RBFOX1: variants seen among roughly 807,000 people sequenced by gnomAD.
The protein encoded by RBFOX1 is RNA binding protein fox-1 homolog 1.
In RBFOX1, 8 loss-of-function variants were observed where a neutral mutation model predicts 57.7. That is an observed-to-expected ratio of 0.14 (90% confidence interval 0.08 to 0.25). The LOEUF (loss-of-function observed/expected upper bound fraction) is 0.25, where lower values mean the gene tolerates loss of function less well. Ranked by LOEUF, RBFOX1 falls within the 10% of genes least tolerant of loss-of-function variation. The pLI is 1.00. For missense variants in RBFOX1, 611 were observed against 548.5 expected (o/e 1.11, Z -1.14); for synonymous variants, 326 against 222.4 (o/e 1.47, Z -4.15).
At chr16:6,589,357 T>C (rs1423307074) in intron 2 of RBFOX1, among the ~76,000 whole-genome samples, 1 of 152,160 alleles carries the variant, frequency 6.6e-6, no homozygotes, top group Non-Finnish European at 1.5e-5. Flanking sequence ...TTACTCAAAT[T>C]AGTCTCCCTG....
chr16:5,621,439 C>T (rs1042808069), intron 3 of RBFOX1, among the ~76,000 whole-genome samples: 3 of 152,058 alleles, frequency 2.0e-5, no homozygotes, highest in Non-Finnish European at 2.9e-5. Context: ...TAATTTGTGT[C>T]GTCTTGACAA....
At chr16:6,570,784 A>AT (rs2097334352) in intron 2 of RBFOX1, among the ~76,000 whole-genome samples, 1 of 152,230 alleles carries the variant, frequency 6.6e-6, no homozygotes, top group South Asian at 2.1e-4. Context: ...AATAGCTAAT[A>AT]TTTTTTCCTC....
At chr16:7,022,496 C>G (rs2039604149) in intron 3 of RBFOX1, among the ~76,000 whole-genome samples, 1 of 152,038 alleles carries the variant, frequency 6.6e-6, no homozygotes, top group Non-Finnish European at 1.5e-5. Flanking sequence ...ATTTCTTTTT[C>G]TTTCTTTATA....
chr16:6,374,798 T>C (rs187417190), intron 2 of RBFOX1, among the ~76,000 whole-genome samples: 3 of 152,332 alleles, frequency 2.0e-5, no homozygotes, highest in Non-Finnish European at 4.4e-5. Context: ...ACACCTTCCT[T>C]TGAAGTCAAA....
At chr16:5,520,516 T>G (rs1159988230) in intron 2 of RBFOX1, among the ~76,000 whole-genome samples, 1 of 152,274 alleles carries the variant, frequency 6.6e-6, no homozygotes, top group South Asian at 2.1e-4. Flanking sequence ...TGGGAAAACA[T>G]TTTCACAATT....
intron 4 of RBFOX1, among the ~76,000 whole-genome samples, chr16:7,490,842 C>G (rs1024105685): frequency 1.3e-5 from 2 of 152,168 alleles, no homozygotes; most frequent in African/African-American, 4.8e-5. Flanking sequence ...GAAACAGCAC[C>G]TGCTGTTACT....
At chr16:6,499,723 G>A (rs1417842207) in intron 2 of RBFOX1, among the ~76,000 whole-genome samples, 2 of 151,964 alleles carry the variant, frequency 1.3e-5, no homozygotes, top group African/African-American at 2.4e-5. Flanking sequence ...CTGATTTATT[G>A]TGCAATCTCG....
chr16:7,331,718 T>C (rs2096699162), intron 4 of RBFOX1, among the ~76,000 whole-genome samples: 2 of 152,150 alleles, frequency 1.3e-5, no homozygotes, highest in South Asian at 4.1e-4. Context: ...TGAACAGGGT[T>C]CAGAGAGGCT....
intron 4 of RBFOX1, among the ~76,000 whole-genome samples, chr16:7,399,570 G>C (rs1266199544): frequency 5.9e-5 from 9 of 152,186 alleles, no homozygotes; most frequent in African/African-American, 2.2e-4. Context: ...TTAGCCTCTG[G>C]TGGTGTCTGT....
chr16:7,173,009 G>T (rs746293234), intron 4 of RBFOX1, among the ~76,000 whole-genome samples: 1 of 152,096 alleles, frequency 6.6e-6, no homozygotes, highest in Non-Finnish European at 1.5e-5. Flanking sequence ...AAACTACCAC[G>T]TGTGTATTTT....
At chr16:6,450,862 T>TACATATATATAC (rs1597420236) in intron 2 of RBFOX1, among the ~76,000 whole-genome samples, 2 of 93,482 alleles carry the variant, frequency 2.1e-5, no homozygotes, top group South Asian at 3.4e-4. Context: ...TATATATATA[T>TACATATATATAC]ATATATATAT....
chr16:5,992,850 C>T (rs372922796), intron 4 of RBFOX1, among the ~76,000 whole-genome samples: 1 of 152,178 alleles, frequency 6.6e-6, no homozygotes. Flanking sequence ...AGGAGAATTG[C>T]TTGAACCTGG....
At chr16:6,140,008 T>C (rs1469695092) in intron 1 of RBFOX1, among the ~76,000 whole-genome samples, 1 of 152,068 alleles carries the variant, frequency 6.6e-6, no homozygotes, top group African/African-American at 2.4e-5. Flanking sequence ...TACGGAATAT[T>C]GTGTTAATTT....
chr16:6,932,392 C>G (rs1319526343), intron 3 of RBFOX1, among the ~76,000 whole-genome samples: 2 of 152,324 alleles, frequency 1.3e-5, no homozygotes, highest in South Asian at 4.1e-4. Context: ...CATGCATGAG[C>G]CACCATGCCC....
At chr16:5,247,850 T>G (rs867326865) in intron 1 of RBFOX1, among the ~76,000 whole-genome samples, 2 of 152,168 alleles carry the variant, frequency 1.3e-5, no homozygotes, top group East Asian at 3.9e-4. Context: ...ACCCTTGAAA[T>G]GTACACAGGT....
chr16:7,304,065 T>C (rs1409839286), intron 4 of RBFOX1: 1 of 373,564 alleles, frequency 2.7e-6, no homozygotes, highest in Non-Finnish European at 3.7e-6. Flanking sequence ...AACCAACTAG[T>C]TTCCAGGTCC....
rs560890692 is a variant in RBFOX1, at chr16:5,908,496, G to A, written c.351+41161G>A. Among the ~76,000 whole-genome samples, 70 of 151,936 alleles carry A rather than the reference G, an allele frequency of 4.6e-4. 1 individual carries two copies. The highest frequency in any genetic ancestry group is 1.2e-4 in the African/African-American group (5 of 41,420). ...GCTTCCCAAGTAGCAGGGATTACAG[G>A]TGCCTGCCACCATGCCCGGCTATTT... On this transcript the variant is annotated intron_variant, in intron 4 of 19. Transcript: ENST00000641259.
chr16:7,164,256 G>A, intron 4 of RBFOX1, among the ~76,000 whole-genome samples: 1 of 152,032 alleles, frequency 6.6e-6, no homozygotes, highest in East Asian at 1.9e-4. Context: ...TAGAATAATG[G>A]TTTTCAGCTC....
intron 2 of RBFOX1, among the ~76,000 whole-genome samples, chr16:6,337,550 A>G (rs991874941): frequency 2.0e-5 from 3 of 152,230 alleles, no homozygotes; most frequent in Middle Eastern, 3.2e-3. Flanking sequence ...AAGTCTCTCA[A>G]TTGTACACCT....
Sources: allele counts gnomAD v4.1 joint callset (sites outside exome capture counted in the v4.1 genomes callset), GRCh38; gene constraint gnomAD v4.1.1; transcripts MANE v1.5; gene names NCBI Gene and HGNC (gene_info 2026-07-23, HGNC 2026-07-21).